AHI1: variants seen among roughly 807,000 people sequenced by gnomAD.
AHI1 encodes Abelson helper integration site 1, also known as jouberin.
A neutral mutation model predicts 149.3 loss-of-function variants in AHI1; 123 were observed. The ratio of observed to expected loss-of-function variants is 0.82; its 90% CI spans 0.71 to 0.96. The LOEUF (loss-of-function observed/expected upper bound fraction) is 0.96. AHI1 is among the 40% of genes least tolerant of loss of function. The pLI is 0.00. For synonymous variants in AHI1, 475 were observed against 459.8 expected, an observed-to-expected ratio of 1.03 and a Z score of -0.42; for missense variants, 1,439 against 1,422.7, an observed-to-expected ratio of 1.01 and a Z score of -0.18.
intron 24 of AHI1, among the ~76,000 whole-genome samples, chr6:135,340,654 CATACAT>C (rs1338192509): frequency 0.089 from 5,189 of 58,412 alleles, 347 homozygotes; most frequent in African/African-American, 0.14. Context: ...TATATACATA[CATACAT>C]ATATATATAT....
intron 5 of AHI1, among the ~76,000 whole-genome samples, chr6:135,489,013 TAA>T (rs1292187822): frequency 6.6e-6 from 1 of 152,168 alleles, no homozygotes; most frequent in Non-Finnish European, 1.5e-5. Context: ...TAAATATATA[TAA>T]AGTGTTTAGA....
chr6:135,434,695 T>C (rs956666911), intron 15 of AHI1, among the ~76,000 whole-genome samples: 8 of 151,662 alleles, frequency 5.3e-5, no homozygotes, highest in Non-Finnish European at 1.2e-4. Flanking sequence ...AATATATAAA[T>C]GGGTTTGGGG....
chr6:135,292,230 T>C (rs1469365244), intron 27 of AHI1, among the ~76,000 whole-genome samples: 1 of 152,154 alleles, frequency 6.6e-6, no homozygotes, highest in Non-Finnish European at 1.5e-5. Flanking sequence ...TCCTGACTTC[T>C]AGGCCCTATT....
intron 8 of AHI1, among the ~76,000 whole-genome samples, chr6:135,458,067 A>T (rs1415716211): frequency 6.6e-6 from 1 of 152,230 alleles, no homozygotes; most frequent in Non-Finnish European, 1.5e-5. Context: ...ATGCAGTAGG[A>T]TGCAGCAGGT....
At chr6:135,443,778 C>T (rs1040122113) in intron 13 of AHI1, among the ~76,000 whole-genome samples, 2 of 152,162 alleles carry the variant, frequency 1.3e-5, no homozygotes, top group Non-Finnish European at 2.9e-5. Flanking sequence ...CCATGCTCCC[C>T]ATCCTTTCTC....
chr6:135,310,986 A>T (rs1369333284), intron 26 of AHI1, among the ~76,000 whole-genome samples: 2 of 152,112 alleles, frequency 1.3e-5, no homozygotes, highest in Non-Finnish European at 2.9e-5. Flanking sequence ...AAAAATGGTT[A>T]AAAAATAGGA....
At chr6:135,449,817 A>C (rs1236344748) in intron 11 of AHI1, among the ~76,000 whole-genome samples, 1 of 152,224 alleles carries the variant, frequency 6.6e-6, no homozygotes, top group East Asian at 1.9e-4. Flanking sequence ...CCTGCACTTG[A>C]AGTATGGCTA....
At chr6:135,442,466 T>C (rs1786456976) in intron 14 of AHI1, 116 bp downstream of exon 14, 1 of 1,117,870 alleles carries the variant, frequency 8.9e-7, no homozygotes, top group African/African-American at 1.6e-5. Flanking sequence ...ATCCGTTTTC[T>C]TTAATTTAGT....
chr6:135,316,154 T>C (rs561388879), intron 26 of AHI1, among the ~76,000 whole-genome samples: 69 of 152,298 alleles, frequency 4.5e-4, no homozygotes, highest in Admixed American at 8.5e-4. Context: ...TCTGTCAACC[T>C]GTCTTTCCAA....
chr6:135,386,360 G>T (rs1777584895), intron 23 of AHI1, among the ~76,000 whole-genome samples: 1 of 151,646 alleles, frequency 6.6e-6, no homozygotes, highest in African/African-American at 2.4e-5. Context: ...GCCCAGGCTG[G>T]AGTGCAGTGG....
intron 28 of AHI1, among the ~76,000 whole-genome samples, chr6:135,287,794 T>A (rs1781871746): frequency 6.6e-6 from 1 of 150,740 alleles, no homozygotes; most frequent in African/African-American, 2.5e-5. Context: ...GGGAATAAGA[T>A]TCATAAAAAT....
At chr6:135,354,130 T>C (rs1389943504) in intron 24 of AHI1, among the ~76,000 whole-genome samples, 2 of 152,132 alleles carry the variant, frequency 1.3e-5, no homozygotes, top group Non-Finnish European at 2.9e-5. Flanking sequence ...TGTAATTTTA[T>C]ATACTGCCCA....
rs866904374 is a variant in AHI1 at position 135,359,871 on chromosome 6, T to C, written c.3110-1684A>G. Among the ~76,000 whole-genome samples the C allele has an allele frequency of 5.3e-5, 8 of 152,194 alleles. No individual in the cohort carries two copies. The South Asian group carries it at 1.0e-3, about 20-fold the overall frequency. The stretch of plus-strand genomic sequence containing the variant: ...AAAGCAAACCAGGCAAAAATCTATA[T>C]ATACAGTTTATACAATACCAAGAAA... On this transcript the variant is annotated intron_variant, in intron 23 of 28. Coordinates refer to ENST00000265602, the MANE Select transcript of AHI1 (RefSeq NM_001134831.2).
intron 21 of AHI1, among the ~76,000 whole-genome samples, chr6:135,407,206 A>C (rs1451799556): frequency 1.3e-5 from 2 of 152,154 alleles, no homozygotes; most frequent in African/African-American, 4.8e-5. Flanking sequence ...ACTCACACAT[A>C]CCCCACAAAA....
chr6:135,366,633 C>A (rs1431441990), intron 23 of AHI1, among the ~76,000 whole-genome samples: 1 of 152,104 alleles, frequency 6.6e-6, no homozygotes, highest in African/African-American at 2.4e-5. Context: ...GTTGTAATAT[C>A]CCCCATTTCA....
intron 23 of AHI1, among the ~76,000 whole-genome samples, chr6:135,392,209 C>T (rs1418844365): frequency 1.3e-5 from 2 of 152,168 alleles, no homozygotes; most frequent in Non-Finnish European, 2.9e-5. Flanking sequence ...ATTTACTCCA[C>T]ATGCTAAATA....
intron 20 of AHI1, among the ~76,000 whole-genome samples, chr6:135,414,986 C>T (rs1215441499): frequency 7.8e-6 from 1 of 127,750 alleles, no homozygotes; most frequent in Non-Finnish European, 1.6e-5. Flanking sequence ...ACAACAGGCC[C>T]CAGAGTGTGA....
intron 24 of AHI1, among the ~76,000 whole-genome samples, chr6:135,331,925 G>A (rs1422299234): frequency 6.6e-6 from 1 of 152,106 alleles, no homozygotes; most frequent in Non-Finnish European, 1.5e-5. Context: ...AAGCCACCAA[G>A]TTTGTGGTAG....
rs1176342562 is a variant in AHI1 at position 135,364,699 on chromosome 6, G to A, written c.3110-6512C>T. On this transcript the variant is annotated intron_variant, in intron 23 of 28. Coordinates refer to ENST00000265602, the MANE Select transcript of AHI1 (RefSeq NM_001134831.2). Reference sequence around the variant, plus strand: ...GCGGTTAGGAGCTGGAGACCAGCCCGGCCAACACAGCGAATCCCCGTCTCC... The same window carrying A: ...GCGGTTAGGAGCTGGAGACCAGCCCAGCCAACACAGCGAATCCCCGTCTCC... 2.5e-3 allele frequency among the ~76,000 whole-genome samples: 375 copies of A among 152,218 alleles called. 4 individuals carry two copies. Among genetic ancestry groups the A allele is most frequent in the African/African-American group, 8.4e-3 (350 of 41,530 alleles).
Sources: gnomAD v4.1 joint callset for allele counts (sites outside exome capture counted in the v4.1 genomes callset) on GRCh38, gnomAD v4.1.1 for gene constraint, MANE v1.5 for transcripts, NCBI Gene and HGNC (gene_info 2026-07-23, HGNC 2026-07-21) for gene names.